TRAF3IP2: variants seen among roughly 807,000 people sequenced by gnomAD.
The protein encoded by TRAF3IP2 is E3 ubiquitin ligase TRAF3IP2.
Under a neutral mutation model 57.9 loss-of-function variants are expected in TRAF3IP2, and 35 were observed. The observed-to-expected ratio is 0.60, with a 90% CI of 0.46 to 0.80. The LOEUF (loss-of-function observed/expected upper bound fraction) is 0.80. Ranked by LOEUF, TRAF3IP2 falls within the 30% of genes least tolerant of loss-of-function variation. TRAF3IP2 has a pLI of 0.00. For synonymous variants in TRAF3IP2, 251 were observed against 268.9 expected (o/e 0.93, Z 0.65); for missense variants, 556 against 706.4 (o/e 0.79, Z 2.41).
intron 8 of TRAF3IP2, among the ~76,000 whole-genome samples, chr6:111,560,087 GATA>G (rs879651987): frequency 4.5e-4 from 69 of 152,198 alleles, no homozygotes; most frequent in African/African-American, 1.6e-3. Flanking sequence ...GGGAGAGGCA[GATA>G]ATAAGTAAAT....
rs1385776822 is a variant in TRAF3IP2, at chr6:111,591,290, T to C, written c.797A>G (p.His266Arg). The change falls in exon 2 of 9, where the codon CAT becomes CGT. Residue 266 changes from histidine to arginine, a missense_variant. Transcript: ENST00000368761. The surrounding 1 kb of genome is among the most constrained non-coding windows in gnomAD (Gnocchi z 4.9). The part of the protein sequence containing the change: ...SPHAPWNYHY[H>R]CPGSPDHQVP... ...CTGGTGATCGGGACTTCCAGGACAA[T>C]GGTAATGATAGTTCCATGGAGCATG... is the stretch of plus-strand genomic sequence containing the variant. 2 of 1,495,790 alleles carry C rather than the reference T, an allele frequency of 1.3e-6. No individual in the cohort carries two copies. The highest frequency in any genetic ancestry group is 1.4e-5 in the South Asian group (1 of 69,178). The allele number at this position is 1,495,790 out of a possible 1,614,324, so 92.7% of individuals were successfully genotyped here.
At chr6:111,570,414 T>C (rs926625996) in intron 5 of TRAF3IP2, among the ~76,000 whole-genome samples, 1 of 152,176 alleles carries the variant, frequency 6.6e-6, no homozygotes, top group Non-Finnish European at 1.5e-5. Context: ...CCAATAAAAT[T>C]GGACTCTCTA....
chr6:111,562,844 CAAA>C (rs931683636), intron 8 of TRAF3IP2, 118 bp downstream of exon 8: 641 of 595,446 alleles, frequency 1.1e-3, no homozygotes, highest in Middle Eastern at 2.0e-3. Flanking sequence ...GACTCCATCT[CAAA>C]AAAAAAAAAA....
chr6:111,575,975 TGGA>T (rs1412427442), intron 3 of TRAF3IP2, among the ~76,000 whole-genome samples, 154 bp from the exon 4 acceptor site: 1 of 152,186 alleles, frequency 6.6e-6, no homozygotes, highest in African/African-American at 2.4e-5. Context: ...GGGAGCTCCA[TGGA>T]GTTGTAGTCA....
intron 2 of TRAF3IP2, chr6:111,587,189 T>G (rs1796366248): frequency 1.3e-5 from 2 of 152,178 alleles, no homozygotes; most frequent in Admixed American, 1.3e-4. Flanking sequence ...TTCTTTTCAG[T>G]TTTTACTCAT....
intron 2 of TRAF3IP2, 143 bp from the exon 3 acceptor site, chr6:111,580,532 G>A (rs1562427433): frequency 1.3e-5 from 8 of 604,110 alleles, no homozygotes; most frequent in African/African-American, 1.9e-5. Flanking sequence ...GATGTTTGCC[G>A]TATTTCTCTA....
chr6:111,586,455 C>T (rs1365273714), intron 2 of TRAF3IP2, among the ~76,000 whole-genome samples: 29 of 152,108 alleles, frequency 1.9e-4, no homozygotes, highest in Non-Finnish European at 1.5e-5. Flanking sequence ...TCGGAGGCAG[C>T]AGGAGGCCGA....
Position 111,591,552 on chromosome 6 carries a change from G to T in TRAF3IP2, c.535C>A (p.Gln179Lys). 6.2e-7 allele frequency: 1 copy of T among 1,614,210 alleles called. No homozygotes were observed. Among genetic ancestry groups the T allele is most frequent in the Non-Finnish European group, 8.5e-7 (1 of 1,180,040 alleles). Residue 179 changes from glutamine to lysine, a missense_variant, in exon 2 of 9, where the codon CAA (glutamine) becomes AAA (lysine). This residue lies in a region of TRAF3IP2 where 428 missense variants were observed against 498.7 expected (regional missense o/e 0.86). Transcript: ENST00000368761. The surrounding 1 kb of genome is among the most constrained non-coding windows in gnomAD (Gnocchi z 4.9). ...DSLGGSQEMV[Q>K]RPQPHRNRAG... is the part of the protein sequence containing the mutation. The stretch of plus-strand genomic sequence containing the variant: ...CGGTTCCTGTGAGGCTGGGGCCGTT[G>T]CACCATCTCCTGGCTACCGCCCAAG...
Position 111,559,430 on chromosome 6 carries a change from G to A in TRAF3IP2, c.1673C>T (p.Pro558Leu). 6.2e-7 allele frequency: 1 copy of A among 1,613,950 alleles called. No homozygotes were observed. ...TCACAAGGGAACCACCTGAAGGGTG[G>A]GCAGAGGCCCCCGTGGAGGAGCCAC... is the stretch of plus-strand genomic sequence containing the variant. Reference protein sequence around the residue: ...EYVAPPRGPLPTLQVVPL With the variant: ...EYVAPPRGPLLTLQVVPL The change falls in exon 9 of 9, where the codon CCC becomes CTC. Residue 558 changes from proline to leucine, a missense_variant. Coordinates refer to ENST00000368761, the MANE Select transcript of TRAF3IP2 (RefSeq NM_147686.4).
At chr6:111,571,413 T>C (rs2128373641) in intron 5 of TRAF3IP2, among the ~76,000 whole-genome samples, 1 of 152,130 alleles carries the variant, frequency 6.6e-6, no homozygotes, top group African/African-American at 2.4e-5. Context: ...GGTTTCCCCA[T>C]GTTGCCTAGG....
intron 2 of TRAF3IP2, among the ~76,000 whole-genome samples, chr6:111,588,237 C>T (rs991830896): frequency 4.6e-5 from 7 of 151,924 alleles, no homozygotes; most frequent in Non-Finnish European, 1.0e-4. Flanking sequence ...TGAATTATTC[C>T]CCTCTCCTAT....
intron 1 of TRAF3IP2, among the ~76,000 whole-genome samples, chr6:111,604,556 AT>A (rs1363291392): frequency 6.6e-6 from 1 of 152,266 alleles, no homozygotes; most frequent in African/African-American, 2.4e-5. Flanking sequence ...GTTTTCTCCT[AT>A]TTGGCTAGAG....
chr6:111,559,299 A>G lies in TRAF3IP2; in HGVS notation c.*106T>C. 6.8e-7 allele frequency: 1 copy of G among 1,472,046 alleles called. No homozygotes were observed. The highest frequency in any genetic ancestry group is 9.1e-7 in the Non-Finnish European group (1 of 1,097,264). The allele number at this position is 1,472,046 out of a possible 1,614,324, so 91.2% of individuals were successfully genotyped here. ...GGGCCAGAGGGCCTCTCGGGGAGGA[A>G]CAGAAAAAAACCAGCCAGGAGTGCT... On this transcript the variant is annotated 3_prime_UTR_variant, in exon 9 of 9. Coordinates refer to ENST00000368761, the MANE Select transcript of TRAF3IP2 (RefSeq NM_147686.4).
At chr6:111,583,922 C>T (rs541099089) in intron 2 of TRAF3IP2, among the ~76,000 whole-genome samples, 1 of 152,116 alleles carries the variant, frequency 6.6e-6, no homozygotes, top group Non-Finnish European at 1.5e-5. Context: ...GAAGGAGAAA[C>T]ACAAGGTAAA....
intron 2 of TRAF3IP2, among the ~76,000 whole-genome samples, chr6:111,583,660 TGA>T (rs1796233548): frequency 6.6e-6 from 1 of 152,194 alleles, no homozygotes; most frequent in Non-Finnish European, 1.5e-5. Context: ...TACATTATAA[TGA>T]GTTGTATAAT....
At chr6:111,592,958 G>A (rs1796566333) in intron 1 of TRAF3IP2, among the ~76,000 whole-genome samples, 2 of 152,208 alleles carry the variant, frequency 1.3e-5, no homozygotes, top group Admixed American at 1.3e-4. Flanking sequence ...TTAGCCTGCA[G>A]AGCATTTATC....
intron 7 of TRAF3IP2, among the ~76,000 whole-genome samples, chr6:111,564,956 G>A (rs989063332): frequency 2.0e-5 from 3 of 152,170 alleles, no homozygotes; most frequent in Admixed American, 6.5e-5. Flanking sequence ...ACCAAGGGCC[G>A]GCAGCACCCC....
Position 111,575,642 on chromosome 6 carries a change from C to G in TRAF3IP2, c.1201+1G>C, listed in dbSNP as rs375800644. 6.2e-6 allele frequency: 10 copies of G among 1,605,880 alleles called. No homozygotes were observed. Among genetic ancestry groups the G allele is most frequent in the South Asian group, 1.1e-5 (1 of 90,734 alleles). On this transcript the variant is annotated splice_donor_variant, in intron 4 of 8. Transcript: ENST00000368761. LOFTEE classifies it high-confidence loss of function. The stretch of plus-strand genomic sequence containing the variant: ...AGAGAACAATGTTGCAAACAACTTA[C>G]GCAATTCTTCTGGCAAATTGCTTGT...
At chr6:111,561,227 G>A (rs1327255711) in intron 8 of TRAF3IP2, among the ~76,000 whole-genome samples, 1 of 150,614 alleles carries the variant, frequency 6.6e-6, no homozygotes, top group Non-Finnish European at 1.5e-5. Context: ...GGATCACGAG[G>A]TCAAGAGAAC....
Sources: allele counts gnomAD v4.1 joint callset (sites outside exome capture counted in the v4.1 genomes callset), GRCh38; gene constraint gnomAD v4.1.1; regional missense constraint gnomAD v4.1.1; non-coding constraint Gnocchi (gnomAD v3.1); transcripts MANE v1.5; gene names NCBI Gene and HGNC (gene_info 2026-07-23, HGNC 2026-07-21).